The following RFC3 variants were observed in gnomAD, a reference collection of about 807,000 sequenced individuals.
RFC3 encodes the protein replication factor C subunit 3, also known as A1 38 kDa subunit.
In RFC3, 41 loss-of-function variants were observed where a neutral mutation model predicts 45.1. The observed-to-expected ratio is 0.91, with a 90% CI of 0.71 to 1.18. RFC3 has a LOEUF of 1.18. Among genes scored for constraint, RFC3 ranks in the 50% most tolerant of loss-of-function variants. The probability of loss-of-function intolerance (pLI) is 0.00; values close to 1 mark genes in which losing one functional copy is unlikely to be tolerated. For synonymous variants in RFC3, 149 were observed against 144.0 expected (o/e 1.03, Z -0.25); for missense variants, 423 against 428.1 (o/e 0.99, Z 0.10).
intron 8 of RFC3, among the ~76,000 whole-genome samples, chr13:33,958,981 A>G (rs1432849284): frequency 6.6e-6 from 1 of 152,210 alleles, no homozygotes; most frequent in African/African-American, 2.4e-5. Flanking sequence ...AGTTCCACAG[A>G]ACTATTATTT....
intron 8 of RFC3, among the ~76,000 whole-genome samples, chr13:33,912,161 T>C (rs934770002): frequency 2.0e-5 from 3 of 151,966 alleles, no homozygotes; most frequent in African/African-American, 7.2e-5. Context: ...GAAAAAAAAG[T>C]CCAAATCTAG....
chr13:33,824,361 A>C (rs748745553), intron 3 of RFC3, among the ~76,000 whole-genome samples: 1 of 152,146 alleles, frequency 6.6e-6, no homozygotes, highest in Non-Finnish European at 1.5e-5. Context: ...TGGGTTGCCA[A>C]ATCTTTCTTT....
At chr13:33,968,278 C>T (rs1179030624), downstream of RFC3, among the ~76,000 whole-genome samples, 1 of 152,128 alleles carries the variant, frequency 6.6e-6, no homozygotes, top group Non-Finnish European at 1.5e-5. Context: ...CAGGTGTGCG[C>T]CACTACACCT....
chr13:33,841,373 G>A (rs896675714), downstream of RFC3, among the ~76,000 whole-genome samples: 5 of 152,210 alleles, frequency 3.3e-5, no homozygotes, highest in African/African-American at 1.2e-4. Context: ...TGGTATTGCA[G>A]TGAGCTTAAG....
chr13:33,939,673 G>T (rs2082911435), intron 8 of RFC3, among the ~76,000 whole-genome samples: 1 of 152,200 alleles, frequency 6.6e-6, no homozygotes, highest in Admixed American at 6.5e-5. Flanking sequence ...AGAAGTACAG[G>T]TGGCTCAGGG....
intron 8 of RFC3, among the ~76,000 whole-genome samples, chr13:33,872,451 C>A (rs370463105): frequency 6.6e-6 from 1 of 152,030 alleles, no homozygotes; most frequent in Non-Finnish European, 1.5e-5. Context: ...TAAAAATAAA[C>A]GGCCAGGTGC....
At chr13:33,884,922 A>G (rs1000469209) in intron 8 of RFC3, among the ~76,000 whole-genome samples, 6 of 152,198 alleles carry the variant, frequency 3.9e-5, no homozygotes, top group East Asian at 1.9e-4. Flanking sequence ...AACTTTTCCT[A>G]TGCTCCGTTG....
At chr13:33,926,538 T>C (rs1460670570) in intron 8 of RFC3, among the ~76,000 whole-genome samples, 1 of 152,140 alleles carries the variant, frequency 6.6e-6, no homozygotes, top group African/African-American at 2.4e-5. Flanking sequence ...CCAGCAGATT[T>C]TATTTCATTC....
chr13:33,830,886 C>T (rs1312922086), intron 6 of RFC3, 31 bp downstream of exon 6: 1 of 1,583,384 alleles, frequency 6.3e-7, no homozygotes, highest in South Asian at 1.2e-5. Context: ...CATTCTAGGA[C>T]TTTGGCCCCC....
At chr13:33,884,206 ACT>A (rs375141805) in intron 8 of RFC3, among the ~76,000 whole-genome samples, 1 of 152,198 alleles carries the variant, frequency 6.6e-6, no homozygotes, top group East Asian at 1.9e-4. Flanking sequence ...TCTTAGGCAA[ACT>A]CTATTCTCGA....
intron 8 of RFC3, among the ~76,000 whole-genome samples, chr13:33,908,506 A>G (rs2082685056): frequency 6.6e-6 from 1 of 151,756 alleles, no homozygotes; most frequent in African/African-American, 2.4e-5. Flanking sequence ...AATTATTATT[A>G]TTGCAGAGAA....
chr13:33,931,764 T>C (rs2082854056), intron 8 of RFC3, among the ~76,000 whole-genome samples: 1 of 152,006 alleles, frequency 6.6e-6, no homozygotes, highest in Admixed American at 6.6e-5. Flanking sequence ...CCTCTAAGAG[T>C]CTCCTACCTG....
chr13:33,819,528 CATT>C (rs761601446), intron 1 of RFC3, among the ~76,000 whole-genome samples: 2 of 152,034 alleles, frequency 1.3e-5, no homozygotes, highest in Non-Finnish European at 2.9e-5. Flanking sequence ...ACGTAAAAAT[CATT>C]AGACTAGTTG....
intron 8 of RFC3, among the ~76,000 whole-genome samples, chr13:33,923,422 T>G (rs1403467626): frequency 6.6e-6 from 1 of 152,098 alleles, no homozygotes; most frequent in East Asian, 1.9e-4. Flanking sequence ...TCATCCTTGC[T>G]CCTGGCTGTA....
intron 8 of RFC3, among the ~76,000 whole-genome samples, chr13:33,933,590 GA>G (rs1566034157): frequency 6.6e-6 from 1 of 152,044 alleles, no homozygotes; most frequent in Non-Finnish European, 1.5e-5. Context: ...AATAAATCGA[GA>G]TGATAAAATT....
intron 8 of RFC3, among the ~76,000 whole-genome samples, chr13:33,937,551 T>C (rs917898808): frequency 1.3e-5 from 2 of 152,180 alleles, no homozygotes; most frequent in Non-Finnish European, 2.9e-5. Context: ...AGTCTGAGAC[T>C]AAAGCCTCTG....
intron 8 of RFC3, among the ~76,000 whole-genome samples, chr13:33,921,556 G>T (rs1330721345): frequency 6.6e-6 from 1 of 152,120 alleles, no homozygotes; most frequent in African/African-American, 2.4e-5. Flanking sequence ...TTAAGGAGGA[G>T]ATTGCATTTG....
At position 33,830,720 on chromosome 13, in the gene RFC3, T is replaced by C; in HGVS notation, c.575T>C (p.Ile192Thr). 1 of 1,596,840 alleles carries C rather than the reference T, an allele frequency of 6.3e-7. No homozygotes were observed. Among genetic ancestry groups the C allele is most frequent in the Non-Finnish European group, 8.5e-7 (1 of 1,174,606 alleles). Reference protein sequence around the residue: ...VRVPAPSIEDICHVLSTVCKK... With the variant: ...VRVPAPSIEDTCHVLSTVCKK... ...CATTTTTGTTAATTTTATTTGTAGA[T>C]TTGCCACGTGTTATCTACTGTGTGT... The change falls in exon 6 of 9, where the codon ATT becomes ACT. Residue 192 changes from isoleucine to threonine, a missense_variant and splice_region_variant. Coordinates refer to ENST00000380071, the MANE Select transcript of RFC3 (RefSeq NM_002915.4).
At chr13:33,954,530 C>T (rs2083009913) in intron 8 of RFC3, among the ~76,000 whole-genome samples, 1 of 152,206 alleles carries the variant, frequency 6.6e-6, no homozygotes, top group Admixed American at 6.5e-5. Context: ...TTCATGAAGC[C>T]TGTCTTAGTT....
Sources: gnomAD v4.1 joint callset for allele counts (sites outside exome capture counted in the v4.1 genomes callset) on GRCh38, gnomAD v4.1.1 for gene constraint, MANE v1.5 for transcripts, NCBI Gene and HGNC (gene_info 2026-07-23, HGNC 2026-07-21) for gene names.